Variants in ELAC1 observed in about 807,000 individuals in gnomAD.
The protein encoded by ELAC1 is elaC ribonuclease Z 1, also known as zinc phosphodiesterase ELAC protein 1.
Under a neutral mutation model 25.8 loss-of-function variants are expected in ELAC1, and 19 were observed. That is an observed-to-expected ratio of 0.74 (90% CI 0.51 to 1.08). The LOEUF (loss-of-function observed/expected upper bound fraction) is 1.08. Among genes scored for constraint, ELAC1 ranks in the 50% least tolerant of loss-of-function variants. ELAC1 has a pLI of 0.00. For missense variants in ELAC1, 403 were observed against 434.6 expected (o/e 0.93, Z 0.65); for synonymous variants, 148 against 160.9 (o/e 0.92, Z 0.61).
intron 2 of ELAC1, among the ~76,000 whole-genome samples, chr18:50,983,682 C>A (rs1457616959): frequency 7.2e-6 from 1 of 139,232 alleles, no homozygotes; most frequent in African/African-American, 2.6e-5. Context: ...GACCTCATTT[C>A]TACAAAATTA....
At chr18:50,984,924 T>G in intron 3 of ELAC1, 1 of 297,832 alleles carries the variant, frequency 3.4e-6, no homozygotes, top group Non-Finnish European at 6.1e-6. Flanking sequence ...AAAGCGAAAC[T>G]CTGTCTCAAA....
intron 1 of ELAC1, among the ~76,000 whole-genome samples, chr18:50,971,679 G>C (rs1599143409): frequency 6.6e-6 from 1 of 151,944 alleles, no homozygotes; most frequent in African/African-American, 2.4e-5. Flanking sequence ...GCAGGCATGA[G>C]CTACCATACC....
Position 50,984,790 on chromosome 18 carries a change from G to C in ELAC1, c.625+227G>C, listed in dbSNP as rs953858044. 12 of 576,870 alleles carry C rather than the reference G, an allele frequency of 2.1e-5. No homozygotes were observed. In the African/African-American group the frequency reaches 2.2e-4, roughly 11 times the overall value. 35.7% of individuals were successfully genotyped at this position (576,870 alleles called of 1,614,324 possible). On this transcript the variant is annotated intron_variant, in intron 3 of 3. Coordinates refer to ENST00000269466, the MANE Select transcript of ELAC1 (RefSeq NM_018696.3). ...CTACTAAAAATACAAAAAGTAACTG[G>C]GTGTGGTGTCATGTGCCTGTAGTCC...
intron 2 of ELAC1, among the ~76,000 whole-genome samples, chr18:50,978,396 C>T (rs887574130): frequency 6.6e-6 from 1 of 152,190 alleles, no homozygotes; most frequent in Non-Finnish European, 1.5e-5. Flanking sequence ...GGAGGCCCCA[C>T]AATCATGGTG....
At chr18:50,978,367 C>T (rs943992013) in intron 2 of ELAC1, among the ~76,000 whole-genome samples, 4 of 152,094 alleles carry the variant, frequency 2.6e-5, no homozygotes, top group African/African-American at 7.2e-5. Flanking sequence ...ATGAACTAAT[C>T]GCAGTTCCGC....
At chr18:50,971,543 A>G (rs762582447) in intron 1 of ELAC1, among the ~76,000 whole-genome samples, 1 of 151,918 alleles carries the variant, frequency 6.6e-6, no homozygotes, top group Non-Finnish European at 1.5e-5. Flanking sequence ...ACATGCCTCC[A>G]TGTCCAGCTG....
At chr18:50,974,376 C>A in intron 1 of ELAC1, 21 bp from the exon 2 acceptor site, 1 of 1,505,698 alleles carries the variant, frequency 6.6e-7, no homozygotes, top group African/African-American at 1.4e-5. Flanking sequence ...AAATAATCCC[C>A]AGATGATCTT....
intron 1 of ELAC1, chr18:50,969,951 C>T (rs942543498): frequency 6.6e-6 from 1 of 152,220 alleles, no homozygotes; most frequent in Non-Finnish European, 1.5e-5. Flanking sequence ...ATTCTCAAAT[C>T]GGACTCCATG....
At chr18:50,982,520 C>A (rs540560560) in intron 2 of ELAC1, among the ~76,000 whole-genome samples, 1 of 152,302 alleles carries the variant, frequency 6.6e-6, no homozygotes, top group African/African-American at 2.4e-5. Flanking sequence ...GAGCAAAGGA[C>A]CAGAAGCCTC....
chr18:50,973,837 GA>G (rs199690451), intron 1 of ELAC1, among the ~76,000 whole-genome samples: 12 of 150,466 alleles, frequency 8.0e-5, no homozygotes, highest in African/African-American at 1.7e-4. Flanking sequence ...AAGGGCTCAT[GA>G]AAAAAAAATG....
chr18:50,977,099 A>C (rs1157777512), intron 2 of ELAC1, among the ~76,000 whole-genome samples: 2 of 152,088 alleles, frequency 1.3e-5, no homozygotes, highest in Non-Finnish European at 2.9e-5. Context: ...GGCTGTTTTC[A>C]TGGGTTGGTG....
At chr18:50,969,207 G>A (rs960507040) in intron 1 of ELAC1, 8 of 152,156 alleles carry the variant, frequency 5.3e-5, no homozygotes, top group African/African-American at 1.9e-4. Flanking sequence ...GTTATATTTG[G>A]TTGATGTCTC....
intron 1 of ELAC1, among the ~76,000 whole-genome samples, chr18:50,970,838 G>A (rs796825022): frequency 6.6e-6 from 1 of 151,244 alleles, no homozygotes; most frequent in South Asian, 2.1e-4. Flanking sequence ...TTACCCCTGA[G>A]ATAACCCATA....
At chr18:50,976,103 T>C (rs1907791534) in intron 2 of ELAC1, among the ~76,000 whole-genome samples, 1 of 152,228 alleles carries the variant, frequency 6.6e-6, no homozygotes. Context: ...AAGTCCTCTG[T>C]AGCATAGTAA....
chr18:50,984,296 G>C lies in ELAC1; in HGVS notation c.358G>C (p.Val120Leu), dbSNP rs773665116. Residue 120 changes from valine to leucine, a missense_variant, in exon 3 of 4, where the codon GTT becomes CTT. Val to Leu is a conservative substitution (Grantham distance 32). Transcript: ENST00000269466. ...CACGGAGCTGGTCTTCCATTATGTG[G>C]TTCATGAACTGGTTCCTACAGCAGA... ...SHTELVFHYV[V>L]HELVPTADQC... 6.2e-7 allele frequency: 1 copy of C among 1,614,188 alleles called. No homozygotes were observed. Among genetic ancestry groups the C allele is most frequent in the Non-Finnish European group, 8.5e-7 (1 of 1,180,040 alleles).
Position 50,969,333 on chromosome 18 carries a change from C to T in ELAC1, c.-9+1219C>T, listed in dbSNP as rs1907588236. 5 of 152,188 alleles carry T rather than the reference C, an allele frequency of 3.3e-5. No homozygotes were observed. In the South Asian group the frequency reaches 1.0e-3, roughly 31 times the overall value. 9.4% of individuals were successfully genotyped at this position (152,188 alleles called of 1,614,324 possible). On this transcript the variant is annotated intron_variant, in intron 1 of 3. Coordinates refer to ENST00000269466, the MANE Select transcript of ELAC1 (RefSeq NM_018696.3). ...AACCAGGATTTTGCTTTTTCCATCT[C>T]TGGTATCCTTTAATAAGCAGGTATT...
intron 1 of ELAC1, among the ~76,000 whole-genome samples, chr18:50,973,471 T>C (rs746283018): frequency 6.6e-6 from 1 of 152,220 alleles, no homozygotes; most frequent in African/African-American, 2.4e-5. Context: ...GAGTCCCAAG[T>C]CCTCGTGAGT....
chr18:50,978,273 C>T (rs1175772259), intron 2 of ELAC1, among the ~76,000 whole-genome samples: 1 of 152,094 alleles, frequency 6.6e-6, no homozygotes, highest in African/African-American at 2.4e-5. Flanking sequence ...CTACCAGTAC[C>T]AATTTACTGT....
intron 2 of ELAC1, among the ~76,000 whole-genome samples, chr18:50,980,778 A>AG (rs1568187306): frequency 2.0e-5 from 3 of 151,252 alleles, no homozygotes; most frequent in Admixed American, 6.6e-5. Flanking sequence ...AAAAAAAAAA[A>AG]AAAAGAAAAA....
Sources: gnomAD v4.1 joint callset for allele counts (sites outside exome capture counted in the v4.1 genomes callset) on GRCh38, gnomAD v4.1.1 for gene constraint, MANE v1.5 for transcripts, NCBI Gene and HGNC (gene_info 2026-07-23, HGNC 2026-07-21) for gene names.